Variants in MYL4 observed in about 807,000 individuals in gnomAD.
MYL4 encodes the protein atrial myosin light chain 1.
A neutral mutation model predicts 21.6 loss-of-function variants in MYL4; 16 were observed. That is an observed-to-expected ratio of 0.74 (90% confidence interval 0.50 to 1.12). The LOEUF is 1.12. Ranked by LOEUF, MYL4 falls within the 50% of genes most tolerant of loss-of-function variation. The pLI is 0.00. For synonymous variants in MYL4, 82 were observed against 95.7 expected, an observed-to-expected ratio of 0.86 and a Z score of 0.83; for missense variants, 249 against 252.9, an observed-to-expected ratio of 0.98 and a Z score of 0.11.
chr17:47,220,108 C>T, intron 3 of MYL4, 55 bp downstream of exon 3: 2 of 1,529,774 alleles, frequency 1.3e-6, no homozygotes, highest in Admixed American at 4.1e-5. Flanking sequence ...AGCCCCTTGG[C>T]TTCCTCCTTG....
chr17:47,214,366 A>T (rs1222055189), intron 2 of MYL4, among the ~76,000 whole-genome samples: 3 of 152,134 alleles, frequency 2.0e-5, no homozygotes, highest in Non-Finnish European at 4.4e-5. Flanking sequence ...ATGCTAACCC[A>T]CTAATGGTGG....
chr17:47,226,622 A>G (rs981658142), downstream of MYL4, among the ~76,000 whole-genome samples: 2 of 152,334 alleles, frequency 1.3e-5, no homozygotes, highest in South Asian at 2.1e-4. Flanking sequence ...GTGCGTATGG[A>G]CACCAAAACA....
the MYL4 span, among the ~76,000 whole-genome samples, chr17:47,195,376 TA>T: frequency 6.6e-6 from 1 of 152,212 alleles, no homozygotes; most frequent in South Asian, 2.1e-4. Context: ...ATTACAGGCA[TA>T]GACCACCATG....
the MYL4 span, among the ~76,000 whole-genome samples, chr17:47,191,722 G>C: frequency 2.0e-5 from 3 of 152,114 alleles, no homozygotes. Context: ...ACCCATCTCG[G>C]CCTCCCAAAG....
intron 2 of MYL4, among the ~76,000 whole-genome samples, chr17:47,217,364 A>G (rs1055891524): frequency 6.6e-6 from 1 of 151,996 alleles, no homozygotes; most frequent in African/African-American, 2.4e-5. Flanking sequence ...AGGCTGAGGC[A>G]GGAGAATTGC....
At chr17:47,194,384 A>G in the MYL4 span, among the ~76,000 whole-genome samples, 314 of 152,338 alleles carry the variant, frequency 2.1e-3, no homozygotes, top group African/African-American at 6.2e-3. Flanking sequence ...CATCTTTCAC[A>G]TGGAGTTTTA....
the MYL4 span, among the ~76,000 whole-genome samples, chr17:47,191,624 C>T: frequency 1.3e-3 from 199 of 152,248 alleles, 5 homozygotes; most frequent in South Asian, 0.037. Context: ...GTGCGCACCA[C>T]CACGCCCGGT....
rs3785875 is a variant in MYL4 at position 47,219,638 on chromosome 17, C to T, written c.164-266C>T. ...ATTCTCGGGCCGCAGCCTCCCAACA[C>T]TGGAATTTTATAACAACGAAGCAAT... On this transcript the variant is annotated intron_variant, in intron 2 of 6. Coordinates refer to ENST00000393450, the MANE Select transcript of MYL4 (RefSeq NM_002476.2). Among the ~76,000 whole-genome samples the T allele has an allele frequency of 0.67, 102,291 of 151,888 alleles. 34,988 individuals are homozygous for T. The highest frequency in any genetic ancestry group is 0.86 in the East Asian group (4,423 of 5,170).
upstream of MYL4, chr17:47,209,073 C>T (rs568252930): frequency 8.7e-5 from 34 of 392,672 alleles, no homozygotes; most frequent in South Asian, 8.9e-4. Context: ...TCTCTGGCTG[C>T]TCCGGCATAT....
At chr17:47,197,670 C>T (rs2149036894), upstream of MYL4, among the ~76,000 whole-genome samples, 1 of 98,224 alleles carries the variant, frequency 1.0e-5, no homozygotes, top group East Asian at 2.2e-4. Flanking sequence ...GTACAGTATT[C>T]AATACATGAG....
upstream of MYL4, among the ~76,000 whole-genome samples, chr17:47,196,122 G>T (rs1023529678): frequency 2.6e-5 from 4 of 152,308 alleles, no homozygotes; most frequent in African/African-American, 9.6e-5. Context: ...TGGACATGGG[G>T]TCTCTAAGAA....
chr17:47,192,639 G>A, the MYL4 span, among the ~76,000 whole-genome samples: 1 of 151,622 alleles, frequency 6.6e-6, no homozygotes, highest in South Asian at 2.1e-4. Flanking sequence ...GACAGTGCAA[G>A]ACTGTGTCTC....
upstream of MYL4, among the ~76,000 whole-genome samples, chr17:47,197,334 G>A (rs182436483): frequency 7.2e-5 from 11 of 152,156 alleles, no homozygotes; most frequent in African/African-American, 1.9e-4. Context: ...TCCTGACTTC[G>A]TGATCTGCCA....
chr17:47,209,156 G>A, upstream of MYL4: 1 of 587,878 alleles, frequency 1.7e-6, no homozygotes. Context: ...TGTCCTAGAG[G>A]TGAAGAGAGA....
Position 47,220,048 on chromosome 17 carries a change from C to T in MYL4, c.308C>T (p.Pro103Leu). The T allele has an allele frequency of 6.2e-7, 1 of 1,612,684 alleles. No homozygotes were observed. Among genetic ancestry groups the T allele is most frequent in the African/African-American group, 1.3e-5 (1 of 75,064 alleles). Residue 103 changes from proline to leucine, a missense_variant, in exon 3 of 7, where the codon CCT (proline) becomes CTT (leucine). Transcript: ENST00000393450. ...EVLRVLGKPK[P>L]EEMNVKMLDF... Reference sequence around the variant, plus strand: ...CTGCGTGTGCTGGGCAAGCCCAAGCCTGAAGGTCAGTGCGGCTGCATGGCA... The same window carrying T: ...CTGCGTGTGCTGGGCAAGCCCAAGCTTGAAGGTCAGTGCGGCTGCATGGCA...
chr17:47,198,911 A>G (rs890846483), upstream of MYL4, among the ~76,000 whole-genome samples: 2 of 151,094 alleles, frequency 1.3e-5, no homozygotes, highest in African/African-American at 4.9e-5. Context: ...TCTTGAGCCT[A>G]GAAGTTCGAA....
chr17:47,219,607 C>T lies in MYL4; in HGVS notation c.164-297C>T, dbSNP rs913336082. Reference sequence around the variant, plus strand: ...GACTGCAACCTCTGCCTCCCGAGCTCAAGCGATTCTCGGGCCGCAGCCTCC... The same window carrying T: ...GACTGCAACCTCTGCCTCCCGAGCTTAAGCGATTCTCGGGCCGCAGCCTCC... On this transcript the variant is annotated intron_variant, in intron 2 of 6. Coordinates refer to ENST00000393450, the MANE Select transcript of MYL4 (RefSeq NM_002476.2). Among the ~76,000 whole-genome samples, 4 of 152,158 alleles carry T rather than the reference C, an allele frequency of 2.6e-5. No individual in the cohort carries two copies. The South Asian group carries it at 6.2e-4, about 24-fold the overall frequency.
At chr17:47,193,577 G>GT in the MYL4 span, among the ~76,000 whole-genome samples, 1 of 152,006 alleles carries the variant, frequency 6.6e-6, no homozygotes, top group Non-Finnish European at 1.5e-5. Context: ...CTACTGCTCT[G>GT]TTTTTTAATC....
chr17:47,195,843 GTAAT>G (rs1451404134), upstream of MYL4, among the ~76,000 whole-genome samples: 4 of 152,152 alleles, frequency 2.6e-5, no homozygotes, highest in African/African-American at 9.7e-5. Context: ...ACTCTTTGCT[GTAAT>G]TAATTATCTG....
Sources: allele counts gnomAD v4.1 joint callset (sites outside exome capture counted in the v4.1 genomes callset), GRCh38; gene constraint gnomAD v4.1.1; transcripts MANE v1.5; gene names NCBI Gene and HGNC (gene_info 2026-07-23, HGNC 2026-07-21).